Variants in TCEANC2 observed in about 807,000 individuals in gnomAD.
TCEANC2 encodes the protein transcription elongation factor A N-terminal and central domain-containing protein 2.
Under a neutral mutation model 22.8 loss-of-function variants are expected in TCEANC2, and 20 were observed. The observed-to-expected ratio is 0.88, with a 90% confidence interval of 0.62 to 1.28. The LOEUF (loss-of-function observed/expected upper bound fraction) is 1.28, where lower values mean the gene tolerates loss of function less well. Among genes scored for constraint, TCEANC2 ranks in the 50% most tolerant of loss-of-function variants. The probability of loss-of-function intolerance (pLI) is 0.00; values close to 1 mark genes in which losing one functional copy is unlikely to be tolerated. For synonymous variants in TCEANC2, 84 were observed against 95.5 expected (o/e 0.88, Z 0.70); for missense variants, 251 against 249.7 (o/e 1.01, Z -0.03).
Position 54,103,931 on chromosome 1 carries a change from G to A in TCEANC2, c.*7458G>A, listed in dbSNP as rs1658702691. On this transcript the variant is annotated 3_prime_UTR_variant, in exon 5 of 5. Transcript: ENST00000234827. ...TATAGATTATGGGATAGTCATACAG[G>A]ATCCCATATGATTCCACAGCAAAGG... The A allele has an allele frequency of 6.6e-6, 1 of 152,144 alleles. No homozygotes were observed. Among genetic ancestry groups the A allele is most frequent in the Admixed American group, 6.5e-5 (1 of 15,278 alleles). 9.4% of individuals were successfully genotyped at this position (152,144 alleles called of 1,614,324 possible).
intron 2 of TCEANC2, among the ~76,000 whole-genome samples, chr1:54,060,828 T>C (rs573482701): frequency 6.6e-6 from 1 of 151,788 alleles, no homozygotes; most frequent in African/African-American, 2.4e-5. Context: ...TAATCCTAGC[T>C]ACTCGTGATT....
chr1:54,057,220 TTTTC>T (rs1657767409), intron 2 of TCEANC2, among the ~76,000 whole-genome samples: 1 of 150,312 alleles, frequency 6.7e-6, no homozygotes, highest in Admixed American at 6.6e-5. Flanking sequence ...CAATTTTCTT[TTTTC>T]TTTGTTTTTT....
Position 54,105,898 on chromosome 1 carries a change from C to T in TCEANC2, c.*9425C>T, listed in dbSNP as rs1325167421. ...CCTCCCAAAGTGCTGGGATTATAGA[C>T]ATGAATCACCACACCCGGCCAGCAA... On this transcript the variant is annotated 3_prime_UTR_variant, in exon 5 of 5. Transcript: ENST00000234827. The T allele has an allele frequency of 6.6e-6, 1 of 152,134 alleles. No homozygotes were observed. The highest frequency in any genetic ancestry group is 1.5e-5 in the Non-Finnish European group (1 of 68,032). The allele number at this position is 152,134 out of a possible 1,614,324, so 9.4% of individuals were successfully genotyped here.
At chr1:54,090,357 T>C (rs933630900) in intron 4 of TCEANC2, among the ~76,000 whole-genome samples, 3 of 152,202 alleles carry the variant, frequency 2.0e-5, no homozygotes, top group Non-Finnish European at 4.4e-5. Flanking sequence ...TGGTAAATTA[T>C]TATGGGTTTT....
At chr1:54,081,924 T>C (rs1479014216) in intron 3 of TCEANC2, among the ~76,000 whole-genome samples, 1 of 152,232 alleles carries the variant, frequency 6.6e-6, no homozygotes, top group Non-Finnish European at 1.5e-5. Flanking sequence ...TCAGGGCCTG[T>C]GCTCTTCTGA....
chr1:54,076,286 T>A (rs952237215), intron 3 of TCEANC2, among the ~76,000 whole-genome samples: 65 of 152,278 alleles, frequency 4.3e-4, no homozygotes, highest in African/African-American at 1.5e-3. Context: ...AGTGCCTCAG[T>A]GTCTGTTCCC....
intron 1 of TCEANC2, 179 bp from the exon 2 acceptor site, chr1:54,054,202 T>A: frequency 7.1e-7 from 1 of 1,413,114 alleles, no homozygotes; most frequent in South Asian, 1.6e-5. Context: ...GATGATTGAT[T>A]ACAGTTTCAA....
chr1:54,064,583 T>TA (rs757731740), intron 2 of TCEANC2, among the ~76,000 whole-genome samples: 3 of 152,044 alleles, frequency 2.0e-5, no homozygotes, highest in Non-Finnish European at 4.4e-5. Flanking sequence ...AGTTACACCC[T>TA]ATGCAAATGT....
At chr1:54,077,388 A>C (rs571853035) in intron 3 of TCEANC2, among the ~76,000 whole-genome samples, 2 of 152,060 alleles carry the variant, frequency 1.3e-5, no homozygotes, top group Non-Finnish European at 2.9e-5. Flanking sequence ...TGGGAAAAGC[A>C]TTCCAAGCTG....
intron 4 of TCEANC2, among the ~76,000 whole-genome samples, 195 bp downstream of exon 4, chr1:54,088,985 AT>A (rs1447879028): frequency 6.6e-6 from 1 of 152,174 alleles, no homozygotes; most frequent in Non-Finnish European, 1.5e-5. Flanking sequence ...AGGATTCTGG[AT>A]TTATAAGCAT....
intron 2 of TCEANC2, among the ~76,000 whole-genome samples, chr1:54,066,024 A>C (rs905900622): frequency 1.3e-5 from 2 of 150,948 alleles, no homozygotes; most frequent in Non-Finnish European, 1.5e-5. Flanking sequence ...CGGAGGTTGC[A>C]GTGAGCCGAG....
chr1:54,092,413 C>G (rs1231604851), intron 4 of TCEANC2, among the ~76,000 whole-genome samples: 1 of 152,130 alleles, frequency 6.6e-6, no homozygotes, highest in Non-Finnish European at 1.5e-5. Flanking sequence ...CAGTGGAGCC[C>G]GCCTTTGTAA....
At chr1:54,077,185 T>A (rs545458320) in intron 3 of TCEANC2, among the ~76,000 whole-genome samples, 1 of 152,358 alleles carries the variant, frequency 6.6e-6, no homozygotes, top group South Asian at 2.1e-4. Flanking sequence ...GATGCCCTGA[T>A]GATGCCTCTC....
intron 3 of TCEANC2, among the ~76,000 whole-genome samples, chr1:54,079,354 AG>A (rs1389782080): frequency 2.0e-5 from 3 of 152,338 alleles, no homozygotes; most frequent in Admixed American, 2.0e-4. Context: ...AACTTGCCCC[AG>A]GTTAGACAAC....
chr1:54,080,289 G>A (rs1341743402), intron 3 of TCEANC2, among the ~76,000 whole-genome samples: 4 of 151,866 alleles, frequency 2.6e-5, no homozygotes, highest in Non-Finnish European at 5.9e-5. Context: ...GATTACAGGC[G>A]TGCACCACCA....
At chr1:54,107,771 T>A (rs1232769742), downstream of TCEANC2, among the ~76,000 whole-genome samples, 1 of 152,242 alleles carries the variant, frequency 6.6e-6, no homozygotes, top group Non-Finnish European at 1.5e-5. Flanking sequence ...CAAGCTCTTA[T>A]GATTGGCAAG....
At chr1:54,064,923 C>T (rs1657920693) in intron 2 of TCEANC2, among the ~76,000 whole-genome samples, 1 of 152,092 alleles carries the variant, frequency 6.6e-6, no homozygotes, top group South Asian at 2.1e-4. Flanking sequence ...TGGTCTCGAA[C>T]TCCTGACCTC....
downstream of TCEANC2, among the ~76,000 whole-genome samples, chr1:54,108,775 A>G (rs778796367): frequency 2.2e-4 from 34 of 152,038 alleles, no homozygotes; most frequent in African/African-American, 8.0e-4. Context: ...GATTGGGACC[A>G]TCCTGGCTAA....
intron 4 of TCEANC2, among the ~76,000 whole-genome samples, chr1:54,090,312 A>G (rs924880162): frequency 2.6e-5 from 4 of 152,240 alleles, no homozygotes; most frequent in African/African-American, 7.2e-5. Context: ...TAACCCAGAC[A>G]TAATCTTGTT....
Sources: allele counts gnomAD v4.1 joint callset (sites outside exome capture counted in the v4.1 genomes callset), GRCh38; gene constraint gnomAD v4.1.1; transcripts MANE v1.5; gene names NCBI Gene and HGNC (gene_info 2026-07-23, HGNC 2026-07-21).